The following TSPAN18 variants were observed in gnomAD, a reference collection of about 807,000 sequenced individuals.
TSPAN18 encodes tetraspanin 18, also known as tetraspanin-18.
A neutral mutation model predicts 27.3 loss-of-function variants in TSPAN18; 14 were observed. The observed-to-expected ratio is 0.51, with a 90% CI of 0.34 to 0.80. TSPAN18 has a LOEUF of 0.80. Ranked by LOEUF, TSPAN18 falls within the 30% of genes least tolerant of loss-of-function variation. TSPAN18 has a pLI of 0.01. For synonymous variants in TSPAN18, 143 were observed against 136.5 expected (o/e 1.05, Z -0.33); for missense variants, 268 against 323.9 (o/e 0.83, Z 1.32).
chr11:44,893,340 G>A (rs571911612), intron 3 of TSPAN18, among the ~76,000 whole-genome samples: 2 of 152,192 alleles, frequency 1.3e-5, no homozygotes, highest in Admixed American at 6.5e-5. Context: ...TGTGCTCCTG[G>A]TTAATCCTTA....
At chr11:44,915,036 C>A (rs1859854933) in intron 5 of TSPAN18, among the ~76,000 whole-genome samples, 1 of 152,220 alleles carries the variant, frequency 6.6e-6, no homozygotes, top group African/African-American at 2.4e-5. Context: ...GTGACGGGCA[C>A]ACAGAGTACA....
At chr11:44,903,238 C>T (rs1333465231) in intron 3 of TSPAN18, 4 of 363,952 alleles carry the variant, frequency 1.1e-5, no homozygotes, top group East Asian at 1.5e-4. Flanking sequence ...GGAGGTGATG[C>T]CTGTGACGAG....
intron 1 of TSPAN18, among the ~76,000 whole-genome samples, chr11:44,753,700 G>A (rs1214286880): frequency 2.0e-5 from 3 of 152,194 alleles, no homozygotes; most frequent in Non-Finnish European, 4.4e-5. Context: ...ATCGACTTCA[G>A]TGTGGCTTGC....
At chr11:44,928,502 C>A (rs1860450596) in intron 9 of TSPAN18, among the ~76,000 whole-genome samples, 1 of 152,136 alleles carries the variant, frequency 6.6e-6, no homozygotes, top group Non-Finnish European at 1.5e-5. Context: ...AAAACTGTTC[C>A]TTGGCTGGGC....
At chr11:44,875,489 C>T (rs892416915) in intron 3 of TSPAN18, among the ~76,000 whole-genome samples, 13 of 152,252 alleles carry the variant, frequency 8.5e-5, no homozygotes, top group African/African-American at 3.1e-4. Context: ...CCGACCTTCC[C>T]TCATCCTAGC....
chr11:44,904,846 A>G (rs1050330411), intron 3 of TSPAN18, among the ~76,000 whole-genome samples: 1 of 152,118 alleles, frequency 6.6e-6, no homozygotes, highest in African/African-American at 2.4e-5. Flanking sequence ...GCTGAGGCCT[A>G]TTATGTGCCA....
chr11:44,890,968 C>G (rs1001426512), intron 3 of TSPAN18, among the ~76,000 whole-genome samples: 3 of 152,034 alleles, frequency 2.0e-5, no homozygotes, highest in Admixed American at 6.6e-5. Context: ...CCCCAGAGTT[C>G]GAGACCAGTC....
Position 44,905,000 on chromosome 11 carries a change from G to A in TSPAN18, c.-10-1407G>A, listed in dbSNP as rs774245671. Among the ~76,000 whole-genome samples, 70 of 152,044 alleles carry A rather than the reference G, an allele frequency of 4.6e-4. 1 individual carries two copies. The highest frequency in any genetic ancestry group is 7.9e-4 in the Admixed American group (12 of 15,262). On this transcript the variant is annotated intron_variant, in intron 3 of 9. Coordinates refer to ENST00000520358, the MANE Select transcript of TSPAN18 (RefSeq NM_130783.5). ...ACAAGGATTAAACGAGATAATATGC[G>A]CAAAACCCTGGGCACAGTGCTGGAT...
chr11:44,851,623 C>CCA (rs1554991802), intron 2 of TSPAN18, among the ~76,000 whole-genome samples: 5 of 148,486 alleles, frequency 3.4e-5, no homozygotes, highest in Non-Finnish European at 6.0e-5. Context: ...CCTCCCCCCC[C>CCA]CAACGGCTGG....
chr11:44,923,762 G>A (rs1176350938), intron 8 of TSPAN18, among the ~76,000 whole-genome samples: 1 of 152,156 alleles, frequency 6.6e-6, no homozygotes, highest in Non-Finnish European at 1.5e-5. Flanking sequence ...AGCCCACGAG[G>A]CCCTAGCAAA....
chr11:44,852,038 A>C (rs1442226811), intron 2 of TSPAN18, among the ~76,000 whole-genome samples: 1 of 152,202 alleles, frequency 6.6e-6, no homozygotes. Context: ...TACAGTAGGC[A>C]CTTAATGAGT....
chr11:44,825,041 G>A (rs1461798519), intron 2 of TSPAN18, among the ~76,000 whole-genome samples: 1 of 152,192 alleles, frequency 6.6e-6, no homozygotes, highest in East Asian at 1.9e-4. Flanking sequence ...AGCTGTGCCA[G>A]TGCTGGAGCT....
intron 2 of TSPAN18, among the ~76,000 whole-genome samples, chr11:44,785,839 G>A (rs1259989122): frequency 6.6e-6 from 1 of 152,224 alleles, no homozygotes; most frequent in African/African-American, 2.4e-5. Context: ...TCGATGCTGG[G>A]GTTCGAGGGG....
At chr11:44,853,107 G>A (rs1857644280) in intron 2 of TSPAN18, among the ~76,000 whole-genome samples, 1 of 152,228 alleles carries the variant, frequency 6.6e-6, no homozygotes, top group South Asian at 2.1e-4. Flanking sequence ...CCTTGGTGAA[G>A]AGGCAATGGT....
intron 3 of TSPAN18, among the ~76,000 whole-genome samples, chr11:44,871,572 A>G (rs1383011047): frequency 2.0e-5 from 3 of 152,162 alleles, no homozygotes; most frequent in African/African-American, 7.2e-5. Context: ...TTACCACCTT[A>G]CCTGGGAACC....
intron 2 of TSPAN18, among the ~76,000 whole-genome samples, chr11:44,846,874 C>G (rs1857496488): frequency 6.6e-6 from 1 of 152,280 alleles, no homozygotes; most frequent in African/African-American, 2.4e-5. Flanking sequence ...AGGAATGAAC[C>G]CAGCCTATTA....
At chr11:44,728,215 G>T (rs1854565819) in intron 1 of TSPAN18, among the ~76,000 whole-genome samples, 1 of 152,244 alleles carries the variant, frequency 6.6e-6, no homozygotes, top group African/African-American at 2.4e-5. Context: ...TGCGCCGTGG[G>T]CTGGAAAGGC....
intron 2 of TSPAN18, among the ~76,000 whole-genome samples, chr11:44,772,509 A>C (rs1010375014): frequency 1.3e-5 from 2 of 152,234 alleles, no homozygotes; most frequent in African/African-American, 4.8e-5. Context: ...TACATGAAGA[A>C]ACTTGCAAAA....
chr11:44,805,073 G>A (rs1856563282), intron 2 of TSPAN18, among the ~76,000 whole-genome samples: 1 of 152,228 alleles, frequency 6.6e-6, no homozygotes, highest in Non-Finnish European at 1.5e-5. Flanking sequence ...TGGCTACCTT[G>A]TTAGTGGGAG....
Sources: gnomAD v4.1 joint callset for allele counts (sites outside exome capture counted in the v4.1 genomes callset) on GRCh38, gnomAD v4.1.1 for gene constraint, MANE v1.5 for transcripts, NCBI Gene and HGNC (gene_info 2026-07-23, HGNC 2026-07-21) for gene names.